The following RASSF8 variants were observed in gnomAD, a reference collection of about 807,000 sequenced individuals.
RASSF8 encodes Ras association domain family member 8.
A neutral mutation model predicts 48.5 loss-of-function variants in RASSF8; 22 were observed. The ratio of observed to expected loss-of-function variants is 0.45; its 90% CI spans 0.32 to 0.65. The LOEUF is 0.65. Ranked by LOEUF, RASSF8 falls within the 30% of genes least tolerant of loss-of-function variation. The pLI is 0.03. For missense variants in RASSF8, 418 were observed against 489.2 expected, an observed-to-expected ratio of 0.85 and a Z score of 1.37; for synonymous variants, 127 against 171.5, an observed-to-expected ratio of 0.74 and a Z score of 2.03.
intron 1 of RASSF8, among the ~76,000 whole-genome samples, chr12:25,970,001 C>G (rs1474414620): frequency 6.6e-6 from 1 of 152,078 alleles, no homozygotes; most frequent in Non-Finnish European, 1.5e-5. Flanking sequence ...AACCTATAGT[C>G]CCTGTGTGGG....
chr12:26,021,383 G>A (rs1942783642), intron 2 of RASSF8: 1 of 152,218 alleles, frequency 6.6e-6, no homozygotes, highest in African/African-American at 2.4e-5. Context: ...AGTATTAAGA[G>A]GTGAGACCTT....
At chr12:26,004,287 T>C (rs1942332825) in intron 2 of RASSF8, among the ~76,000 whole-genome samples, 1 of 152,214 alleles carries the variant, frequency 6.6e-6, no homozygotes, top group East Asian at 1.9e-4. Context: ...TGAGCTGTTA[T>C]TAATGAATGA....
chr12:26,016,199 T>G (rs978473529), intron 2 of RASSF8, among the ~76,000 whole-genome samples: 1 of 113,868 alleles, frequency 8.8e-6, no homozygotes, highest in Non-Finnish European at 1.8e-5. Flanking sequence ...TTAAGGGCTG[T>G]TTTTGGGTTT....
At chr12:26,074,590 G>A (rs370310794), downstream of RASSF8, among the ~76,000 whole-genome samples, 10 of 151,590 alleles carry the variant, frequency 6.6e-5, no homozygotes, top group African/African-American at 1.7e-4. Context: ...TGTTCCACCC[G>A]CCTCGTCCTC....
chr12:26,018,434 CAG>C (rs1565621021), intron 2 of RASSF8, among the ~76,000 whole-genome samples: 1 of 151,640 alleles, frequency 6.6e-6, no homozygotes, highest in Non-Finnish European at 1.5e-5. Flanking sequence ...TTTTTATTGA[CAG>C]ATAAAATTTA....
chr12:26,036,626 G>A (rs1943156184), intron 2 of RASSF8, among the ~76,000 whole-genome samples: 1 of 152,004 alleles, frequency 6.6e-6, no homozygotes, highest in Non-Finnish European at 1.5e-5. Context: ...GTGTATGTCT[G>A]GTCGAGCGCA....
chr12:26,038,049 C>T (rs1344280527), intron 2 of RASSF8, among the ~76,000 whole-genome samples: 1 of 152,214 alleles, frequency 6.6e-6, no homozygotes, highest in Non-Finnish European at 1.5e-5. Flanking sequence ...CTACCCTGTA[C>T]ACACCCCCAT....
chr12:26,024,684 C>G (rs539966931), intron 2 of RASSF8, among the ~76,000 whole-genome samples: 18 of 152,296 alleles, frequency 1.2e-4, no homozygotes, highest in African/African-American at 4.3e-4. Context: ...AGGCCGGGCG[C>G]TGTGGCTCAC....
At chr12:26,073,052 C>T (rs993509048), downstream of RASSF8, among the ~76,000 whole-genome samples, 1 of 152,190 alleles carries the variant, frequency 6.6e-6, no homozygotes, top group African/African-American at 2.4e-5. Flanking sequence ...AATTAAGAAA[C>T]TACTATGCCT....
intron 1 of RASSF8, among the ~76,000 whole-genome samples, chr12:25,966,733 T>A (rs1592212609): frequency 6.6e-6 from 1 of 152,236 alleles, no homozygotes; most frequent in East Asian, 1.9e-4. Flanking sequence ...CCAGTTTGTG[T>A]CTCATCGTTT....
intron 2 of RASSF8, among the ~76,000 whole-genome samples, chr12:26,049,945 C>T (rs560859080): frequency 3.3e-5 from 5 of 152,232 alleles, no homozygotes; most frequent in South Asian, 4.1e-4. Flanking sequence ...CCACCACGCC[C>T]GGCTAATTTT....
At chr12:25,965,507 T>C (rs1441391128) in intron 1 of RASSF8, among the ~76,000 whole-genome samples, 1 of 151,880 alleles carries the variant, frequency 6.6e-6, no homozygotes. Context: ...GACTACAGGC[T>C]TGTGCCACCA....
intron 1 of RASSF8, among the ~76,000 whole-genome samples, chr12:25,972,711 T>C (rs890970350): frequency 1.3e-5 from 2 of 152,218 alleles, no homozygotes; most frequent in African/African-American, 4.8e-5. Context: ...AATGAAGACA[T>C]ACCAAAATAT....
chr12:25,986,031 G>T (rs1166109249), intron 1 of RASSF8, among the ~76,000 whole-genome samples: 1 of 152,176 alleles, frequency 6.6e-6, no homozygotes, highest in East Asian at 1.9e-4. Context: ...GGCTATAAAA[G>T]TGAAGTGTTT....
In RASSF8 at chr12:26,071,494, A is replaced by G. The variant is rs1410879238; in HGVS notation, c.*2676A>G. 2.1e-6 allele frequency: 2 copies of G among 961,792 alleles called. No individual in the cohort carries two copies. Among genetic ancestry groups the G allele is most frequent in the African/African-American group, 1.8e-5 (1 of 56,658 alleles). The allele number at this position is 961,792 out of a possible 1,614,324, so 59.6% of individuals were successfully genotyped here. The stretch of plus-strand genomic sequence containing the variant: ...AAAGATCTTTTTATCTTACCAAGAA[A>G]TAATTTGGAATAGCATTGGTATATT... On this transcript the variant is annotated 3_prime_UTR_variant, in exon 6 of 6. Transcript: ENST00000689635.
intron 2 of RASSF8, among the ~76,000 whole-genome samples, chr12:26,039,384 G>A (rs1943218187): frequency 1.3e-5 from 2 of 152,056 alleles, no homozygotes; most frequent in South Asian, 4.2e-4. Flanking sequence ...GGGTGTTAGA[G>A]GGTGGAGGGC....
intron 1 of RASSF8, among the ~76,000 whole-genome samples, chr12:25,969,434 T>C (rs983038032): frequency 6.6e-6 from 1 of 152,218 alleles, no homozygotes; most frequent in Non-Finnish European, 1.5e-5. Flanking sequence ...GATAGTATTA[T>C]AAAAGTGTTT....
intron 2 of RASSF8, among the ~76,000 whole-genome samples, chr12:26,007,534 G>C (rs536811316): frequency 6.6e-6 from 1 of 152,196 alleles, no homozygotes; most frequent in Non-Finnish European, 1.5e-5. Context: ...TCCTTCAACT[G>C]TGCAGAGGTG....
chr12:26,031,889 A>G (rs980416952), intron 2 of RASSF8, among the ~76,000 whole-genome samples: 3 of 152,156 alleles, frequency 2.0e-5, no homozygotes, highest in East Asian at 1.9e-4. Flanking sequence ...AATCTGACCT[A>G]TATGTTTTGC....
Sources: allele counts gnomAD v4.1 joint callset (sites outside exome capture counted in the v4.1 genomes callset), GRCh38; gene constraint gnomAD v4.1.1; transcripts MANE v1.5; gene names NCBI Gene and HGNC (gene_info 2026-07-23, HGNC 2026-07-21).